The following SATB2 variants were observed in gnomAD, a reference collection of about 807,000 sequenced individuals.
The protein encoded by SATB2 is SATB homeobox 2.
In SATB2, 1 loss-of-function variant was observed where a neutral mutation model predicts 73.4. The ratio of observed to expected loss-of-function variants is 0.01; its 90% CI spans 0.00 to 0.06. The LOEUF (loss-of-function observed/expected upper bound fraction) is 0.06. SATB2 is among the 10% of genes least tolerant of loss of function. SATB2 has a pLI of 1.00. For synonymous variants in SATB2, 397 were observed against 367.0 expected (o/e 1.08, Z -0.93); for missense variants, 459 against 945.8 (o/e 0.49, Z 6.75).
intron 8 of SATB2, among the ~76,000 whole-genome samples, chr2:199,328,113 C>T (rs1412869412): frequency 6.6e-6 from 1 of 152,126 alleles, no homozygotes; most frequent in African/African-American, 2.4e-5. Flanking sequence ...CGCCCCTGTG[C>T]CCACTCCTAC....
chr2:199,413,155 G>A (rs1178195117), intron 3 of SATB2, among the ~76,000 whole-genome samples: 1 of 152,058 alleles, frequency 6.6e-6, no homozygotes, highest in African/African-American at 2.4e-5. Context: ...TAATCTATAT[G>A]TTTATTTTTG....
intron 3 of SATB2, among the ~76,000 whole-genome samples, chr2:199,429,341 A>T (rs1242519244): frequency 6.6e-6 from 1 of 152,190 alleles, no homozygotes; most frequent in Non-Finnish European, 1.5e-5. Flanking sequence ...TGATTATTCT[A>T]ATACATTGCC....
At chr2:199,360,386 T>C (rs955103677) in intron 6 of SATB2, among the ~76,000 whole-genome samples, 1 of 152,116 alleles carries the variant, frequency 6.6e-6, no homozygotes, top group African/African-American at 2.4e-5. Context: ...TCCCTCCTTG[T>C]TCCCCAGACA....
In SATB2 at chr2:199,308,538, T is replaced by C. The variant is rs1436560959; in HGVS notation, c.1740+222A>G. Among the ~76,000 whole-genome samples, 3 of 151,976 alleles carry C rather than the reference T, an allele frequency of 2.0e-5. No individual in the cohort carries two copies. The East Asian group carries it at 5.8e-4, about 29-fold the overall frequency. On this transcript the variant is annotated intron_variant, in intron 10 of 10. Coordinates refer to ENST00000417098, the MANE Select transcript of SATB2 (RefSeq NM_001172509.2). The surrounding 1 kb of genome is among the most constrained non-coding windows in gnomAD (Gnocchi z 4.6). ...CATTCAACTTCTCAGTCATTTTTCT[T>C]TGTGTGTGCATACACACACACACAC... is the stretch of plus-strand genomic sequence containing the variant.
rs2105968360 is a variant in SATB2, at chr2:199,464,102, T to A, written c.-141+734A>T. Among the ~76,000 whole-genome samples, 1 of 151,800 alleles carries A rather than the reference T, an allele frequency of 6.6e-6. No homozygotes were observed. Among genetic ancestry groups the A allele is most frequent in the East Asian group, 2.0e-4 (1 of 5,116 alleles). On this transcript the variant is annotated intron_variant, in intron 1 of 11. Transcript: ENST00000260926. This position sits in a 1 kb window ranked among gnomAD's most constrained non-coding sequence, Gnocchi z 6.6. The stretch of plus-strand genomic sequence containing the variant: ...GGAGTGGGGGCCAACTTAGAGGGCT[T>A]CCCGAGCTGGCGCCTCGCCTGTTTT...
chr2:199,357,803 C>A (rs1361758978), intron 6 of SATB2, among the ~76,000 whole-genome samples: 1 of 151,902 alleles, frequency 6.6e-6, no homozygotes, highest in Non-Finnish European at 1.5e-5. Context: ...GCATGGACTC[C>A]CACCTGACTG....
rs761351033 is a variant in SATB2 at position 199,380,460 on chromosome 2, C to T, written c.501G>A (p.Ala167=). The T allele has an allele frequency of 4.3e-6, 7 of 1,613,710 alleles. No individual in the cohort carries two copies. The Admixed American group carries it at 5.0e-5, about 12-fold the overall frequency. ...QSCSKLEDLP[A]EQWNHATVRN... ...GGACTGTGGCATGGTTCCACTGCTCCGCAGGCAAGTCTTCCAACTTTGAAC... is the reference window on the plus strand; with the variant it reads ...GGACTGTGGCATGGTTCCACTGCTCTGCAGGCAAGTCTTCCAACTTTGAAC... The change falls in exon 5 of 11, where the codon GCG becomes GCA. Residue 167 remains alanine (A), a synonymous_variant. Coordinates refer to ENST00000417098, the MANE Select transcript of SATB2 (RefSeq NM_001172509.2).
chr2:199,381,312 C>G (rs545311963), intron 4 of SATB2, among the ~76,000 whole-genome samples: 2 of 152,272 alleles, frequency 1.3e-5, no homozygotes, highest in South Asian at 4.1e-4. Context: ...CCCCTCATAA[C>G]ACAAATGTGA....
chr2:199,358,888 T>C (rs2105837893), intron 6 of SATB2, among the ~76,000 whole-genome samples: 1 of 152,272 alleles, frequency 6.6e-6, no homozygotes, highest in East Asian at 1.9e-4. Flanking sequence ...AGAACACTAT[T>C]GTCCCTTTTG....
intron 1 of SATB2, among the ~76,000 whole-genome samples, chr2:199,456,982 G>GA (rs386392274): frequency 6.7e-6 from 1 of 149,854 alleles, no homozygotes; most frequent in Non-Finnish European, 1.5e-5. Flanking sequence ...GGGTGGGGGG[G>GA]GGCGGGGAAG....
intron 7 of SATB2, among the ~76,000 whole-genome samples, chr2:199,332,525 C>T (rs777384839): frequency 1.2e-4 from 18 of 152,048 alleles, no homozygotes; most frequent in Non-Finnish European, 2.6e-4. Context: ...TATTATAATG[C>T]CATCTAGCTT....
intron 6 of SATB2, among the ~76,000 whole-genome samples, chr2:199,353,343 C>T (rs1388044178): frequency 6.6e-6 from 1 of 151,658 alleles, no homozygotes; most frequent in Admixed American, 6.6e-5. Flanking sequence ...TTAGTAGAAA[C>T]GGGGTTTCAC....
intron 2 of SATB2, among the ~76,000 whole-genome samples, chr2:199,441,521 G>A (rs1053040368): frequency 6.6e-6 from 1 of 152,158 alleles, no homozygotes; most frequent in Non-Finnish European, 1.5e-5. Flanking sequence ...TCAAGAAATA[G>A]CTTATTCTCA....
chr2:199,351,077 T>C (rs1220992893), intron 6 of SATB2, among the ~76,000 whole-genome samples: 1 of 149,928 alleles, frequency 6.7e-6, no homozygotes, highest in Non-Finnish European at 1.5e-5. Context: ...TTAACATTCC[T>C]ATAAACTTCC....
At chr2:199,317,717 T>C (rs2105781271) in intron 9 of SATB2, among the ~76,000 whole-genome samples, 1 of 152,104 alleles carries the variant, frequency 6.6e-6, no homozygotes, top group East Asian at 1.9e-4. Flanking sequence ...GAGGTTGATA[T>C]TAAAACAGAT....
intron 10 of SATB2, among the ~76,000 whole-genome samples, chr2:199,303,524 C>T (rs1275346681): frequency 6.6e-6 from 1 of 152,136 alleles, no homozygotes; most frequent in Non-Finnish European, 1.5e-5. Flanking sequence ...CTGGCACAAG[C>T]TTTCATTCTT....
At chr2:199,280,117 G>A (rs1692439967) in intron 10 of SATB2, among the ~76,000 whole-genome samples, 1 of 152,186 alleles carries the variant, frequency 6.6e-6, no homozygotes, top group Non-Finnish European at 1.5e-5. Flanking sequence ...AGATTTCATG[G>A]ACATTTATTA....
rs1446888668 is a variant in SATB2, at chr2:199,455,448, C to T, written c.169+421G>A. Among the ~76,000 whole-genome samples, 2 of 152,238 alleles carry T rather than the reference C, an allele frequency of 1.3e-5. No homozygotes were observed. The highest frequency in any genetic ancestry group is 4.8e-5 in the African/African-American group (2 of 41,462). On this transcript the variant is annotated intron_variant, in intron 2 of 10. Coordinates refer to ENST00000417098, the MANE Select transcript of SATB2 (RefSeq NM_001172509.2). The surrounding 1 kb of genome is among the most constrained non-coding windows in gnomAD (Gnocchi z 4.1). ...TGTCCTCACTACAAAGTAACATCAA[C>T]TCTCCTTGTTCCTGTACTCGCCTGA...
In SATB2 at chr2:199,348,681, G is replaced by A. The variant is rs1325516380; in HGVS notation, c.1173+20C>T. The stretch of plus-strand genomic sequence containing the variant: ...GTCCCCAGTATTACTGTTAATTACA[G>A]TGTTTAATGCTAATTGTACCTGTGT... On this transcript the variant is annotated intron_variant, in intron 7 of 10. Transcript: ENST00000417098. 6.6e-7 allele frequency: 1 copy of A among 1,525,052 alleles called. No homozygotes were observed. The highest frequency in any genetic ancestry group is 8.9e-7 in the Non-Finnish European group (1 of 1,120,688). 94.5% of individuals were successfully genotyped at this position (1,525,052 alleles called of 1,614,324 possible). A position where few individuals can be genotyped will look rare whatever the true frequency, so the allele number is the denominator to read the frequency against.
Sources: allele counts gnomAD v4.1 joint callset (sites outside exome capture counted in the v4.1 genomes callset), GRCh38; gene constraint gnomAD v4.1.1; non-coding constraint Gnocchi (gnomAD v3.1); transcripts MANE v1.5; gene names NCBI Gene and HGNC (gene_info 2026-07-23, HGNC 2026-07-21).